LRP1B: variants seen among roughly 807,000 people sequenced by gnomAD.
The protein encoded by LRP1B is LDL receptor related protein 1B, also known as low-density lipoprotein receptor-related protein 1B.
Under a neutral mutation model 556.6 loss-of-function variants are expected in LRP1B, and 217 were observed. The observed-to-expected ratio is 0.39, with a 90% CI of 0.35 to 0.44. LRP1B has a LOEUF of 0.44. Ranked by LOEUF, LRP1B falls within the 20% of genes least tolerant of loss-of-function variation. The pLI is 1.00. For synonymous variants in LRP1B, 2,047 were observed against 1,865.8 expected, an observed-to-expected ratio of 1.10 and a Z score of -2.50; for missense variants, 5,053 against 5,620.8, an observed-to-expected ratio of 0.90 and a Z score of 3.23.
intron 87 of LRP1B, among the ~76,000 whole-genome samples, chr2:140,243,018 G>T (rs1388793240): frequency 1.3e-5 from 2 of 151,002 alleles, no homozygotes; most frequent in African/African-American, 4.8e-5. Flanking sequence ...AGTCTCAGCG[G>T]AAGTATCACC....
At chr2:140,774,964 C>T (rs1689440767) in intron 33 of LRP1B, among the ~76,000 whole-genome samples, 1 of 152,054 alleles carries the variant, frequency 6.6e-6, no homozygotes, top group Admixed American at 6.6e-5. Flanking sequence ...GGTGCACATA[C>T]GTTCTGTATA....
chr2:141,176,941 A>C (rs1558913037), intron 7 of LRP1B, among the ~76,000 whole-genome samples: 1 of 152,254 alleles, frequency 6.6e-6, no homozygotes, highest in East Asian at 1.9e-4. Flanking sequence ...GACATCTGTC[A>C]ATCAGAAACT....
intron 47 of LRP1B, among the ~76,000 whole-genome samples, chr2:140,527,335 GGCCCTTTGATTAT>G (rs1204059546): frequency 6.6e-6 from 1 of 151,250 alleles, no homozygotes; most frequent in African/African-American, 2.4e-5. Context: ...CAACCAGAAG[GGCCCTTTGATTAT>G]GCCACTTTTA....
At chr2:142,058,533 AC>A (rs1704764007) in intron 1 of LRP1B, among the ~76,000 whole-genome samples, 1 of 151,992 alleles carries the variant, frequency 6.6e-6, no homozygotes, top group Non-Finnish European at 1.5e-5. Context: ...CCTTCTCAAA[AC>A]GTTATGAGGT....
chr2:140,304,569 G>A (rs966707141), intron 83 of LRP1B, among the ~76,000 whole-genome samples: 1 of 152,130 alleles, frequency 6.6e-6, no homozygotes, highest in Non-Finnish European at 1.5e-5. Context: ...TTTGTCGGAT[G>A]AGTAGATTGC....
chr2:141,292,763 A>T (rs1472324519), intron 3 of LRP1B, among the ~76,000 whole-genome samples: 6 of 152,170 alleles, frequency 3.9e-5, no homozygotes, highest in Admixed American at 6.5e-5. Context: ...AAACTCATCA[A>T]AGGCTGAGAT....
intron 1 of LRP1B, among the ~76,000 whole-genome samples, chr2:142,101,195 T>G (rs924538877): frequency 1.3e-5 from 2 of 151,934 alleles, no homozygotes; most frequent in Non-Finnish European, 2.9e-5. Context: ...CTCTGGTGAT[T>G]TGGACCACAG....
At chr2:141,063,042 TTAGTATTC>T (rs1699384375) in intron 7 of LRP1B, among the ~76,000 whole-genome samples, 1 of 151,976 alleles carries the variant, frequency 6.6e-6, no homozygotes, top group East Asian at 2.0e-4. Context: ...TAATATTTGA[TTAGTATTC>T]ACTATGTTTA....
intron 21 of LRP1B, among the ~76,000 whole-genome samples, chr2:140,909,680 G>A (rs573410461): frequency 2.0e-5 from 3 of 150,482 alleles, no homozygotes; most frequent in South Asian, 4.2e-4. Flanking sequence ...TAGAAATGAG[G>A]AATAACATTA....
chr2:140,884,004 C>T lies in LRP1B; in HGVS notation c.3982G>A (p.Val1328Met), dbSNP rs1693556460. 2.5e-6 allele frequency: 4 copies of T among 1,612,628 alleles called. No individual in the cohort carries two copies. The highest frequency in any genetic ancestry group is 2.2e-5 in the East Asian group (1 of 44,846). ...GTAGCCAGGCCATGCTCCACAACCACTTCAATGGCACTGACACCTACAAAA... is the reference window on the plus strand; with the variant it reads ...GTAGCCAGGCCATGCTCCACAACCATTTCAATGGCACTGACACCTACAAAA... ...SESGGVSAIE[V>M]VVEHGLATPE... The change falls in exon 25 of 91, where the codon GTG (valine) becomes ATG (methionine). Residue 1328 changes from valine to methionine, a missense_variant. Val to Met is a conservative substitution (Grantham distance 21). Around this residue, in one of 5 missense-constraint regions of LRP1B, gnomAD observed 3,619 missense variants for 3,931.9 expected, o/e 0.92. Coordinates refer to ENST00000389484, the MANE Select transcript of LRP1B (RefSeq NM_018557.3).
chr2:140,958,803 TGA>T (rs1407998768), intron 18 of LRP1B, among the ~76,000 whole-genome samples: 4 of 151,202 alleles, frequency 2.6e-5, no homozygotes, highest in Non-Finnish European at 1.5e-5. Flanking sequence ...AAACCTGGAG[TGA>T]GAAATTTACC....
At chr2:140,903,964 G>T (rs1049133810) in intron 22 of LRP1B, among the ~76,000 whole-genome samples, 3 of 151,870 alleles carry the variant, frequency 2.0e-5, no homozygotes, top group African/African-American at 7.3e-5. Context: ...AATGTGATTA[G>T]CTTGTAAAAA....
At chr2:141,278,904 A>G (rs573849201) in intron 3 of LRP1B, among the ~76,000 whole-genome samples, 1 of 152,248 alleles carries the variant, frequency 6.6e-6, no homozygotes, top group Non-Finnish European at 1.5e-5. Flanking sequence ...ATTACTCTTA[A>G]TTGCACAGGC....
At chr2:141,395,957 A>G (rs188845000) in intron 3 of LRP1B, among the ~76,000 whole-genome samples, 14 of 152,292 alleles carry the variant, frequency 9.2e-5, no homozygotes, top group African/African-American at 2.9e-4. Context: ...GCATACATCA[A>G]CATTTAATTG....
intron 83 of LRP1B, among the ~76,000 whole-genome samples, chr2:140,309,007 C>G (rs1288315546): frequency 6.6e-6 from 1 of 151,690 alleles, no homozygotes; most frequent in East Asian, 1.9e-4. Context: ...GTGAATCTGT[C>G]TTGACTTCAG....
At chr2:140,837,974 A>G (rs990745215) in intron 31 of LRP1B, among the ~76,000 whole-genome samples, 1 of 152,144 alleles carries the variant, frequency 6.6e-6, no homozygotes, top group Admixed American at 6.6e-5. Flanking sequence ...GGTGAACAAC[A>G]TCTGAGGGGC....
chr2:142,115,609 ATT>A (rs1707196292), intron 1 of LRP1B, among the ~76,000 whole-genome samples: 2 of 29,308 alleles, frequency 6.8e-5, no homozygotes, highest in Non-Finnish European at 1.4e-4. Context: ...TGTAATATAT[ATT>A]ATATATATGT....
At chr2:141,726,545 C>A (rs1693044948) in intron 2 of LRP1B, among the ~76,000 whole-genome samples, 1 of 151,882 alleles carries the variant, frequency 6.6e-6, no homozygotes, top group African/African-American at 2.4e-5. Context: ...CATTGTAATC[C>A]ATTTTAAAGA....
At chr2:141,671,613 A>C (rs567996906) in intron 2 of LRP1B, among the ~76,000 whole-genome samples, 4 of 152,278 alleles carry the variant, frequency 2.6e-5, no homozygotes, top group African/African-American at 9.6e-5. Context: ...ACAACTAATT[A>C]ACATCAACAT....
Sources: gnomAD v4.1 joint callset for allele counts (sites outside exome capture counted in the v4.1 genomes callset) on GRCh38, gnomAD v4.1.1 for gene constraint, gnomAD v4.1.1 regional missense constraint, MANE v1.5 for transcripts, NCBI Gene and HGNC (gene_info 2026-07-23, HGNC 2026-07-21) for gene names.